The following CIB2 variants were observed in gnomAD, a reference collection of about 807,000 sequenced individuals.
The protein encoded by CIB2 is calcium and integrin binding family member 2.
Under a neutral mutation model 23.1 loss-of-function variants are expected in CIB2, and 19 were observed. That is an observed-to-expected ratio of 0.82 (90% CI 0.57 to 1.21). The LOEUF (loss-of-function observed/expected upper bound fraction) is 1.21. Among genes scored for constraint, CIB2 ranks in the 50% most tolerant of loss-of-function variants. The probability of loss-of-function intolerance (pLI) is 0.00; values close to 1 mark genes in which losing one functional copy is unlikely to be tolerated. For missense variants in CIB2, 220 were observed against 241.5 expected, an observed-to-expected ratio of 0.91 and a Z score of 0.59; for synonymous variants, 94 against 91.7, an observed-to-expected ratio of 1.03 and a Z score of -0.14.
intron 2 of CIB2, among the ~76,000 whole-genome samples, chr15:78,112,536 C>T (rs2074176178): frequency 6.6e-6 from 1 of 152,198 alleles, no homozygotes; most frequent in African/African-American, 2.4e-5. Context: ...CACTGCATTC[C>T]AGCCTGGGCA....
At chr15:78,106,925 A>G (rs1318441119) in intron 4 of CIB2, among the ~76,000 whole-genome samples, 2 of 152,122 alleles carry the variant, frequency 1.3e-5, no homozygotes, top group African/African-American at 4.8e-5. Flanking sequence ...TCTCCACTAT[A>G]CACATGAAGA....
intron 2 of CIB2, among the ~76,000 whole-genome samples, chr15:78,117,283 T>TAAAAAAA (rs1265422874): frequency 1.7e-4 from 23 of 133,492 alleles, no homozygotes; most frequent in East Asian, 8.9e-4. Flanking sequence ...AAAGTTTGTT[T>TAAAAAAA]AAAAGAATAA....
chr15:78,108,325 G>A (rs1252379533), intron 4 of CIB2, among the ~76,000 whole-genome samples: 1 of 152,068 alleles, frequency 6.6e-6, no homozygotes, highest in Admixed American at 6.5e-5. Flanking sequence ...CTTTGACCTT[G>A]ACTCTTCAGG....
chr15:78,127,493 A>G (rs1282564851), intron 1 of CIB2, among the ~76,000 whole-genome samples: 1 of 152,174 alleles, frequency 6.6e-6, no homozygotes, highest in African/African-American at 2.4e-5. Context: ...TTACAGTAGA[A>G]GCCCAGACGT....
intron 2 of CIB2, among the ~76,000 whole-genome samples, chr15:78,112,198 C>T (rs2074170737): frequency 1.3e-5 from 2 of 152,192 alleles, no homozygotes; most frequent in Admixed American, 6.5e-5. Flanking sequence ...TTTCTTTGCC[C>T]TATGTCCACT....
At chr15:78,118,882 T>C (rs2074278532) in intron 2 of CIB2, among the ~76,000 whole-genome samples, 1 of 151,992 alleles carries the variant, frequency 6.6e-6, no homozygotes, top group African/African-American at 2.4e-5. Context: ...TTTCTGTTTC[T>C]AAGAATTTGA....
At chr15:78,123,631 C>A in intron 2 of CIB2, 74 bp downstream of exon 2, 1 of 1,500,950 alleles carries the variant, frequency 6.7e-7, no homozygotes, top group Non-Finnish European at 9.3e-7. Context: ...GCACAGCCAG[C>A]CCATGTGGGG....
chr15:78,118,736 T>C (rs1414449736), intron 2 of CIB2, among the ~76,000 whole-genome samples: 1 of 152,174 alleles, frequency 6.6e-6, no homozygotes, highest in Non-Finnish European at 1.5e-5. Flanking sequence ...ATATTAAATA[T>C]GTTCACATTA....
intron 3 of CIB2, chr15:78,110,519 G>A (rs1333099603): frequency 1.3e-5 from 5 of 391,200 alleles, no homozygotes; most frequent in South Asian, 3.7e-5. Flanking sequence ...GGCTACTGAC[G>A]AAGTCCCACT....
intron 1 of CIB2, among the ~76,000 whole-genome samples, chr15:78,125,569 A>G (rs1051290369): frequency 1.2e-4 from 18 of 152,100 alleles, no homozygotes; most frequent in African/African-American, 4.3e-4. Flanking sequence ...CCCTACATCA[A>G]TGGTCCTCAC....
Position 78,123,752 on chromosome 15 carries a change from A to AACAC in CIB2, c.52-17_52-14dup. On this transcript the variant is annotated splice_polypyrimidine_tract_variant and intron_variant, in intron 1 of 5. Coordinates refer to ENST00000258930, the MANE Select transcript of CIB2 (RefSeq NM_006383.4). Reference sequence around the variant, plus strand: ...AGAAGGTGCAGTCCTGTTGAGGGAAAACACACAACACACAGTCAGTGTGCG... The same window carrying AACAC: ...AGAAGGTGCAGTCCTGTTGAGGGAAAACACACACACAACACACAGTCAGTGTGCG... 6.2e-7 allele frequency: 1 copy of AACAC among 1,614,038 alleles called. No individual in the cohort carries two copies. Among genetic ancestry groups the AACAC allele is most frequent in the Non-Finnish European group, 8.5e-7 (1 of 1,179,922 alleles).
intron 4 of CIB2, among the ~76,000 whole-genome samples, chr15:78,108,486 C>A (rs1327628387): frequency 6.6e-6 from 1 of 152,164 alleles, no homozygotes; most frequent in East Asian, 1.9e-4. Context: ...GTGGGAGAAG[C>A]ATGAGTCCTT....
intron 5 of CIB2, 143 bp downstream of exon 5, chr15:78,105,596 G>A: frequency 6.5e-7 from 1 of 1,526,900 alleles, no homozygotes; most frequent in Non-Finnish European, 8.8e-7. Flanking sequence ...CACACGTCTA[G>A]GGCAAGGGTG....
intron 4 of CIB2, among the ~76,000 whole-genome samples, chr15:78,107,792 G>T (rs1354411971): frequency 6.6e-6 from 1 of 152,238 alleles, no homozygotes; most frequent in Non-Finnish European, 1.5e-5. Context: ...GGGCAGACTG[G>T]CAGGTATTTT....
chr15:78,123,073 C>T (rs1021775233), intron 2 of CIB2, among the ~76,000 whole-genome samples: 8 of 152,132 alleles, frequency 5.3e-5, no homozygotes, highest in Admixed American at 2.0e-4. Context: ...CTGAGGCTGC[C>T]GATCCCCTTT....
intron 1 of CIB2, among the ~76,000 whole-genome samples, chr15:78,128,553 T>C (rs2074411403): frequency 6.6e-6 from 1 of 152,126 alleles, no homozygotes; most frequent in Non-Finnish European, 1.5e-5. Context: ...GGTGGGTGCC[T>C]GTAATCCCAG....
chr15:78,110,171 C>T lies in CIB2; in HGVS notation c.199-789G>A, dbSNP rs193274672. 8.5e-4 allele frequency among the ~76,000 whole-genome samples: 129 copies of T among 152,376 alleles called. 1 individual carries two copies. Among genetic ancestry groups the T allele is most frequent in the African/African-American group, 3.0e-3 (125 of 41,592 alleles). On this transcript the variant is annotated intron_variant, in intron 3 of 5. Coordinates refer to ENST00000258930, the MANE Select transcript of CIB2 (RefSeq NM_006383.4). The stretch of plus-strand genomic sequence containing the variant: ...GCTGCCTCTCCCAGGGAGCTGTACA[C>T]GGATGCCTTCCTAGATCCCCAAATC...
Position 78,109,374 on chromosome 15 carries a change from G to A in CIB2, c.207C>T (p.Pro69=), listed in dbSNP as rs2074120919. 1.2e-6 allele frequency: 2 copies of A among 1,614,022 alleles called. No homozygotes were observed. Among genetic ancestry groups the A allele is most frequent in the Non-Finnish European group, 1.7e-6 (2 of 1,180,040 alleles). ...IIQMPELREN[P]FKERIVAAFS... is the part of the protein sequence containing the mutation. ...ACGCCGCCACGATCCTTTCTTTGAA[G>A]GGATTCTCCTGAAGAAAACACACAC... is the stretch of plus-strand genomic sequence containing the variant. The change falls in exon 4 of 6, where the codon CCC becomes CCT. Residue 69 remains proline, a synonymous_variant. Transcript: ENST00000258930.
intron 1 of CIB2, among the ~76,000 whole-genome samples, chr15:78,128,828 G>C (rs775796930): frequency 7.2e-4 from 109 of 152,218 alleles, no homozygotes; most frequent in Admixed American, 3.4e-3. Flanking sequence ...AGGAGACTGA[G>C]CAGGCCTAGC....
Sources: gnomAD v4.1 joint callset for allele counts (sites outside exome capture counted in the v4.1 genomes callset) on GRCh38, gnomAD v4.1.1 for gene constraint, MANE v1.5 for transcripts, NCBI Gene and HGNC (gene_info 2026-07-23, HGNC 2026-07-21) for gene names.